SNTA1: variants seen among roughly 807,000 people sequenced by gnomAD.
SNTA1 encodes alpha-1-syntrophin.
A neutral mutation model predicts 47.1 loss-of-function variants in SNTA1; 31 were observed. The ratio of observed to expected loss-of-function variants is 0.66; its 90% confidence interval spans 0.49 to 0.89. SNTA1 has a LOEUF of 0.89. Among genes scored for constraint, SNTA1 ranks in the 40% least tolerant of loss-of-function variants. The pLI, the probability that SNTA1 is intolerant of heterozygous loss-of-function variation, is 0.00. For synonymous variants in SNTA1, 300 were observed against 313.6 expected (o/e 0.96, Z 0.46); for missense variants, 575 against 693.0 (o/e 0.83, Z 1.91).
At position 33,412,704 on chromosome 20, in the gene SNTA1, C is replaced by T; in HGVS notation, c.780G>A (p.Trp260Ter). The part of the protein sequence containing the change: ...RAKDEASARS[W>*]ATAIQAQVNT... Reference sequence around the variant, plus strand: ...TGACCTGGGCTTGGATGGCAGTCGCCCACGACCTCGCACTAGCCTCATCCT... The same window carrying T: ...TGACCTGGGCTTGGATGGCAGTCGCTCACGACCTCGCACTAGCCTCATCCT... The change falls in exon 4 of 8, where the codon TGG becomes TGA. Residue 260 changes from tryptophan (W) to a stop codon, truncating the protein, a stop_gained. Coordinates refer to ENST00000217381, the MANE Select transcript of SNTA1 (RefSeq NM_003098.3). LOFTEE classifies it high-confidence loss of function. The T allele has an allele frequency of 6.2e-7, 1 of 1,613,684 alleles. No individual in the cohort carries two copies. The highest frequency in any genetic ancestry group is 8.5e-7 in the Non-Finnish European group (1 of 1,180,004).
At chr20:33,423,499 G>A (rs1990085303) in intron 2 of SNTA1, among the ~76,000 whole-genome samples, 1 of 152,186 alleles carries the variant, frequency 6.6e-6, no homozygotes, top group African/African-American at 2.4e-5. Flanking sequence ...CCCCTGGCCT[G>A]GGAGCCTGAT....
chr20:33,433,998 T>C (rs937512039), intron 2 of SNTA1, among the ~76,000 whole-genome samples: 2 of 152,168 alleles, frequency 1.3e-5, no homozygotes, highest in East Asian at 1.9e-4. Flanking sequence ...GGATTCACTA[T>C]CCACTGAGCT....
rs930437100 is a variant in SNTA1, at chr20:33,443,690, G to A, written c.-70C>T. Reference sequence around the variant, plus strand: ...TTTGCCCAGCCCGCTCCGACCAAGCGCCCAGGGCAGAGGGCAGCGGGGGCC... The same window carrying A: ...TTTGCCCAGCCCGCTCCGACCAAGCACCCAGGGCAGAGGGCAGCGGGGGCC... On this transcript the variant is annotated 5_prime_UTR_variant, in exon 1 of 8. Transcript: ENST00000217381. 2 of 1,018,268 alleles carry A rather than the reference G, an allele frequency of 2.0e-6. No individual in the cohort carries two copies. Among genetic ancestry groups the A allele is most frequent in the South Asian group, 4.5e-5 (1 of 22,052 alleles). 63.1% of individuals were successfully genotyped at this position (1,018,268 alleles called of 1,614,324 possible). A position where few individuals can be genotyped will look rare whatever the true frequency, so the allele number is the denominator to read the frequency against.
intron 2 of SNTA1, among the ~76,000 whole-genome samples, chr20:33,429,334 TAAAAAAAAAAAAAA>T (rs35077145): frequency 0.024 from 603 of 25,172 alleles, 15 homozygotes; most frequent in African/African-American, 0.087. Context: ...AGACTCCACC[TAAAAAAAAAAAAAA>T]AAAAAAAAAA....
intron 2 of SNTA1, among the ~76,000 whole-genome samples, chr20:33,421,635 A>T (rs1358852684): frequency 6.7e-6 from 1 of 149,964 alleles, no homozygotes; most frequent in African/African-American, 2.4e-5. Context: ...ATAAAAATAA[A>T]AAATAATAAA....
At chr20:33,415,626 A>AC (rs1989855615) in intron 3 of SNTA1, among the ~76,000 whole-genome samples, 1 of 150,580 alleles carries the variant, frequency 6.6e-6, no homozygotes, top group Non-Finnish European at 1.5e-5. Context: ...CTGCTAAAAT[A>AC]CAAAAAAAAA....
intron 5 of SNTA1, among the ~76,000 whole-genome samples, 157 bp downstream of exon 5, chr20:33,412,139 A>T (rs1402065216): frequency 2.0e-5 from 3 of 152,190 alleles, no homozygotes; most frequent in African/African-American, 7.2e-5. Context: ...CATTTTACAG[A>T]TGAGGAAACT....
chr20:33,413,155 C>T (rs1451902265), intron 3 of SNTA1, among the ~76,000 whole-genome samples: 1 of 152,038 alleles, frequency 6.6e-6, no homozygotes, highest in African/African-American at 2.4e-5. Context: ...CCACCACACC[C>T]ATATAATTTT....
chr20:33,432,328 G>A (rs1015319728), intron 2 of SNTA1, among the ~76,000 whole-genome samples: 3 of 152,186 alleles, frequency 2.0e-5, no homozygotes, highest in African/African-American at 7.2e-5. Context: ...AGAGTTCTGA[G>A]GACTCAGAAC....
intron 2 of SNTA1, among the ~76,000 whole-genome samples, chr20:33,429,607 C>T (rs1990246427): frequency 6.6e-6 from 1 of 151,806 alleles, no homozygotes. Context: ...TCCAGCCTGG[C>T]CAACAAGAGA....
At chr20:33,418,015 G>A (rs950741608) in intron 2 of SNTA1, 92 bp from the exon 3 acceptor site, 25 of 859,324 alleles carry the variant, frequency 2.9e-5, no homozygotes, top group African/African-American at 5.0e-5. Flanking sequence ...TTTAATTTAC[G>A]TGTCACTATT....
intron 3 of SNTA1, 28 bp from the exon 4 acceptor site, chr20:33,412,810 G>T: frequency 6.6e-7 from 1 of 1,522,890 alleles, no homozygotes; most frequent in South Asian, 1.2e-5. Flanking sequence ...TGGAGACAAG[G>T]ACCTGACCAT....
rs1433992040 is a variant in SNTA1, at chr20:33,410,122, C to G, written c.1237+13G>C. 1 of 1,613,902 alleles carries G rather than the reference C, an allele frequency of 6.2e-7. No homozygotes were observed. The highest frequency in any genetic ancestry group is 1.1e-5 in the South Asian group (1 of 91,076). On this transcript the variant is annotated intron_variant, in intron 6 of 7. Coordinates refer to ENST00000217381, the MANE Select transcript of SNTA1 (RefSeq NM_003098.3). ...TATTACCAGAGGGACACTCCCAGAT[C>G]CTCCCAGCACACCTGTAGACACCTC...
intron 1 of SNTA1, 97 bp downstream of exon 1, chr20:33,443,214 A>G: frequency 1.1e-6 from 1 of 938,952 alleles, no homozygotes; most frequent in East Asian, 3.5e-5. Flanking sequence ...CCAGACAGGA[A>G]GCCTCCAGCT....
At position 33,412,645 on chromosome 20, in the gene SNTA1, T is replaced by C; in HGVS notation, c.839A>G (p.Gln280Arg). Residue 280 changes from glutamine to arginine, a missense_variant, in exon 4 of 8, where the codon CAG becomes CGG. Physicochemically the swap from Gln to Arg is conservative, Grantham distance 43. Coordinates refer to ENST00000217381, the MANE Select transcript of SNTA1 (RefSeq NM_003098.3). The part of the protein sequence containing the change: ...TLTPRVKDEL[Q>R]ALLAATSTAG... The stretch of plus-strand genomic sequence containing the variant: ...TGTGCTGGTGGCTGCCAACAGTGCC[T>C]GCAGCTCATCCTTGACCCGCGGCGT... 6.2e-7 allele frequency: 1 copy of C among 1,613,996 alleles called. No homozygotes were observed. Among genetic ancestry groups the C allele is most frequent in the Non-Finnish European group, 8.5e-7 (1 of 1,180,020 alleles).
chr20:33,428,807 G>A (rs556301733), intron 2 of SNTA1, among the ~76,000 whole-genome samples: 2 of 152,104 alleles, frequency 1.3e-5, no homozygotes, highest in East Asian at 1.9e-4. Flanking sequence ...CTGGGAGGCC[G>A]AGGCAGGTGG....
intron 2 of SNTA1, among the ~76,000 whole-genome samples, chr20:33,428,758 T>G (rs1990224516): frequency 6.6e-6 from 1 of 151,950 alleles, no homozygotes; most frequent in Non-Finnish European, 1.5e-5. Context: ...AAAAATTTTT[T>G]GGCCAGGCAC....
Position 33,443,353 on chromosome 20 carries a change from C to G in SNTA1, c.268G>C (p.Val90Leu). ...AGCCCACCGGCGTCGGCCTTGCGCA[C>G]CGTCACGCGGCGCCGCTGGAGCAGT... ...ALLLQRRRVT[V>L]RKADAGGLGI... The change falls in exon 1 of 8, where the codon GTG (valine) becomes CTG (leucine). Residue 90 changes from valine to leucine, a missense_variant. Physicochemically the swap from Val to Leu is conservative, Grantham distance 32. Coordinates refer to ENST00000217381, the MANE Select transcript of SNTA1 (RefSeq NM_003098.3). 1 of 1,474,530 alleles carries G rather than the reference C, an allele frequency of 6.8e-7. No individual in the cohort carries two copies. Among genetic ancestry groups the G allele is most frequent in the South Asian group, 1.3e-5 (1 of 78,096 alleles). 91.3% of individuals were successfully genotyped at this position (1,474,530 alleles called of 1,614,324 possible).
chr20:33,437,514 TTTTC>T (rs1240421240), intron 2 of SNTA1, among the ~76,000 whole-genome samples: 2 of 151,960 alleles, frequency 1.3e-5, no homozygotes, highest in East Asian at 1.9e-4. Context: ...TTACATTTTA[TTTTC>T]TTTATTTAAA....
Sources: gnomAD v4.1 joint callset for allele counts (sites outside exome capture counted in the v4.1 genomes callset) on GRCh38, gnomAD v4.1.1 for gene constraint, MANE v1.5 for transcripts, NCBI Gene and HGNC (gene_info 2026-07-23, HGNC 2026-07-21) for gene names.